The following MYOM2 variants were observed in gnomAD, a reference collection of about 807,000 sequenced individuals.
MYOM2 encodes the protein myomesin 2, also known as myomesin-2.
A neutral mutation model predicts 187.6 loss-of-function variants in MYOM2; 254 were observed. The observed-to-expected ratio is 1.35, with a 90% CI of 1.22 to 1.50. The LOEUF is 1.50. MYOM2 is among the 40% of genes most tolerant of loss of function. The pLI is 0.00. For synonymous variants in MYOM2, 981 were observed against 753.8 expected (o/e 1.30, Z -4.94); for missense variants, 2,796 against 1,924.0 (o/e 1.45, Z -8.48).
intron 18 of MYOM2, among the ~76,000 whole-genome samples, chr8:2,098,643 C>T (rs1027173399): frequency 1.3e-5 from 2 of 152,198 alleles, no homozygotes; most frequent in Non-Finnish European, 1.5e-5. Context: ...TTTGGGAAAT[C>T]ACTTTGGGGA....
intron 32 of MYOM2, among the ~76,000 whole-genome samples, chr8:2,138,793 C>G (rs1431664429): frequency 6.6e-6 from 1 of 152,186 alleles, no homozygotes; most frequent in Non-Finnish European, 1.5e-5. Context: ...TAGATCCTCC[C>G]TTCTCTGTCC....
intron 13 of MYOM2, 103 bp from the exon 14 acceptor site, chr8:2,085,157 AAAC>A (rs1819767481): frequency 7.1e-7 from 1 of 1,413,454 alleles, no homozygotes; most frequent in African/African-American, 1.4e-5. Flanking sequence ...AATAGAAACA[AAAC>A]AAGTTCAACA....
intron 21 of MYOM2, 35 bp from the exon 22 acceptor site, chr8:2,106,207 C>T: frequency 4.4e-6 from 7 of 1,606,348 alleles, no homozygotes; most frequent in Non-Finnish European, 6.0e-6. Flanking sequence ...AACACCGTGT[C>T]CCTAAGCCGC....
chr8:2,115,256 G>A (rs1373201536), intron 25 of MYOM2, among the ~76,000 whole-genome samples: 1 of 151,726 alleles, frequency 6.6e-6, no homozygotes, highest in Non-Finnish European at 1.5e-5. Context: ...AAGTTAAAAA[G>A]TTAATAAGTA....
chr8:2,143,367 A>T (rs779925063), intron 35 of MYOM2, 34 bp from the exon 36 acceptor site: 8 of 1,613,894 alleles, frequency 5.0e-6, no homozygotes, highest in African/African-American at 1.3e-5. Context: ...CGTCCCGCAG[A>T]TGTTTTCCTA....
chr8:2,086,497 C>CCACTGTCATGATCTCTGTGTGGCCCCA lies in MYOM2; in HGVS notation c.1644+1114_1644+1115insATGATCTCTGTGTGGCCCCACACTGTC, dbSNP rs1796076490. On this transcript the variant is annotated intron_variant, in intron 14 of 36. Coordinates refer to ENST00000262113, the MANE Select transcript of MYOM2 (RefSeq NM_003970.4). Reference sequence around the variant, plus strand: ...ACTGTCATGATCTCTGTGTGGCCCCCCACTGTCGTGATCTCTGCGTGGCCC... The same window carrying CCACTGTCATGATCTCTGTGTGGCCCCA: ...ACTGTCATGATCTCTGTGTGGCCCCCCACTGTCATGATCTCTGTGTGGCCCCACACTGTCGTGATCTCTGCGTGGCCC... 2.8e-5 allele frequency among the ~76,000 whole-genome samples: 4 copies of CCACTGTCATGATCTCTGTGTGGCCCCA among 141,902 alleles called. 1 individual carries two copies. In the South Asian group the frequency reaches 8.7e-4, roughly 31 times the overall value. 93.1% of individuals were successfully genotyped at this position (141,902 alleles called of 152,430 possible).
At chr8:2,137,927 C>T (rs143235968) in intron 32 of MYOM2, among the ~76,000 whole-genome samples, 1 of 152,206 alleles carries the variant, frequency 6.6e-6, no homozygotes, top group African/African-American at 2.4e-5. Flanking sequence ...GGGCTTCTTG[C>T]TGCTCCTCAC....
rs376026911 is a variant in MYOM2, at chr8:2,072,358, G to C, written c.807G>C (p.Ser269=). The C allele has an allele frequency of 1.9e-6, 3 of 1,613,446 alleles. No homozygotes were observed. The highest frequency in any genetic ancestry group is 2.5e-6 in the Non-Finnish European group (3 of 1,179,534). The change falls in exon 9 of 37, where the codon TCG becomes TCC. Residue 269 remains serine (S), a synonymous_variant. Coordinates refer to ENST00000262113, the MANE Select transcript of MYOM2 (RefSeq NM_003970.4). ...VGLPIGLPLS[S]MIPYTHFDVQ... ...GTTTCTGTGCAGTGCCCCTGTCATC[G>C]ATGATTCCGTACACGCACTTCGACG...
At chr8:2,070,278 C>T (rs751953320) in intron 8 of MYOM2, among the ~76,000 whole-genome samples, 5 of 152,220 alleles carry the variant, frequency 3.3e-5, no homozygotes, top group Admixed American at 6.5e-5. Flanking sequence ...TACTGTAATG[C>T]GAGGCTTAGT....
rs1459581344 is a variant in MYOM2, at chr8:2,144,898, G to A, written c.4315G>A (p.Gly1439Arg). The A allele has an allele frequency of 1.2e-6, 2 of 1,614,088 alleles. No homozygotes were observed. The highest frequency in any genetic ancestry group is 1.7e-6 in the Non-Finnish European group (2 of 1,180,016). Residue 1439 changes from glycine to arginine, a missense_variant, in exon 37 of 37, where the codon GGG becomes AGG. Coordinates refer to ENST00000262113, the MANE Select transcript of MYOM2 (RefSeq NM_003970.4). The part of the protein sequence containing the change: ...IDVTVSVYKH[G>R]EKIPDMAPPQ... ...CGTGACAGTGAGCGTGTACAAACAC[G>A]GGGAGAAGATCCCGGACATGGCCCC...
chr8:2,126,167 C>T (rs546574960), intron 31 of MYOM2, among the ~76,000 whole-genome samples: 2 of 152,206 alleles, frequency 1.3e-5, no homozygotes, highest in South Asian at 2.1e-4. Flanking sequence ...CTTGTCACCT[C>T]GAAGCAGAGA....
intron 2 of MYOM2, 31 bp downstream of exon 2, chr8:2,050,904 G>C (rs76672876): frequency 3.9e-6 from 6 of 1,526,764 alleles, no homozygotes; most frequent in Non-Finnish European, 5.4e-6. Context: ...GAGACGCGCA[G>C]AGCTTTGATT....
intron 15 of MYOM2, among the ~76,000 whole-genome samples, chr8:2,091,927 C>T (rs4875915): frequency 1.3e-5 from 2 of 152,124 alleles, no homozygotes; most frequent in Non-Finnish European, 2.9e-5. Context: ...AGGTCATGAT[C>T]GAATTTTGAG....
At chr8:2,085,108 T>C in intron 13 of MYOM2, 155 bp from the exon 14 acceptor site, 1 of 812,186 alleles carries the variant, frequency 1.2e-6, no homozygotes, top group Non-Finnish European at 1.9e-6. Context: ...TATCCTCTGG[T>C]TCCAAGGAAG....
At chr8:2,056,225 G>T (rs1818658897) in intron 3 of MYOM2, among the ~76,000 whole-genome samples, 1 of 152,206 alleles carries the variant, frequency 6.6e-6, no homozygotes, top group South Asian at 2.1e-4. Flanking sequence ...GGCTCCGTGG[G>T]AGACATGGCA....
chr8:2,048,594 A>G (rs1002350552), intron 1 of MYOM2, among the ~76,000 whole-genome samples: 1 of 152,020 alleles, frequency 6.6e-6, no homozygotes, highest in African/African-American at 2.4e-5. Context: ...CAGATTCAAT[A>G]TGGAACGCCA....
chr8:2,107,223 T>C (rs1796924607), intron 23 of MYOM2, among the ~76,000 whole-genome samples: 1 of 152,164 alleles, frequency 6.6e-6, no homozygotes, highest in Non-Finnish European at 1.5e-5. Flanking sequence ...GCCCGTCATC[T>C]ACCCCACCCA....
chr8:2,047,161 G>A (rs1360469334), intron 1 of MYOM2, among the ~76,000 whole-genome samples: 1 of 152,142 alleles, frequency 6.6e-6, no homozygotes, highest in Non-Finnish European at 1.5e-5. Flanking sequence ...GGGTGCATTT[G>A]GCAAGTCCTC....
At position 2,101,014 on chromosome 8, in the gene MYOM2, T is replaced by C. The variant is rs1796691097; in HGVS notation, c.2579T>C (p.Ile860Thr). The change falls in exon 20 of 37, where the codon ATC (isoleucine) becomes ACC (threonine). Residue 860 changes from isoleucine (I) to threonine (T), a missense_variant. Ile to Thr is a moderately conservative substitution (Grantham distance 89). Coordinates refer to ENST00000262113, the MANE Select transcript of MYOM2 (RefSeq NM_003970.4). Reference protein sequence around the residue: ...DFREEDAGEWITVNQTTTASR... With the variant: ...DFREEDAGEWTTVNQTTTASR... Reference sequence around the variant, plus strand: ...AGGGAGGAGGATGCTGGAGAGTGGATCACTGTCAATCAGACGACAACAGCC... The same window carrying C: ...AGGGAGGAGGATGCTGGAGAGTGGACCACTGTCAATCAGACGACAACAGCC... The C allele has an allele frequency of 1.2e-6, 2 of 1,613,952 alleles. No individual in the cohort carries two copies. Among genetic ancestry groups the C allele is most frequent in the East Asian group, 4.5e-5 (2 of 44,866 alleles).
Sources: gnomAD v4.1 joint callset for allele counts (sites outside exome capture counted in the v4.1 genomes callset) on GRCh38, gnomAD v4.1.1 for gene constraint, MANE v1.5 for transcripts, NCBI Gene and HGNC (gene_info 2026-07-23, HGNC 2026-07-21) for gene names.